The following NCBP2 variants were observed in gnomAD, a reference collection of about 807,000 sequenced individuals.
The protein encoded by NCBP2 is nuclear cap-binding protein subunit 2.
NCBP2 carries 8 observed loss-of-function variants against 21.5 expected under a neutral mutation model. That is an observed-to-expected ratio of 0.37 (90% confidence interval 0.22 to 0.67). NCBP2 has a LOEUF of 0.67. NCBP2 is among the 30% of genes least tolerant of loss of function. The pLI is 0.56. For missense variants in NCBP2, 127 were observed against 206.9 expected, an observed-to-expected ratio of 0.61 and a Z score of 2.37; for synonymous variants, 92 against 75.8, an observed-to-expected ratio of 1.21 and a Z score of -1.11.
chr3:196,937,146 C>T, intron 3 of NCBP2, 64 bp from the exon 4 acceptor site: 1 of 1,467,280 alleles, frequency 6.8e-7, no homozygotes. Context: ...ATGCCTCCCA[C>T]AAACATGTTA....
rs180792675 is a variant in NCBP2, at chr3:196,936,782, C to A, written c.*229G>T. ...TGTTGTCAAAGAACACAATTTCTGACCTGGTAACAAAATTGTTCTGATAAT... is the reference window on the plus strand; with the variant it reads ...TGTTGTCAAAGAACACAATTTCTGAACTGGTAACAAAATTGTTCTGATAAT... On this transcript the variant is annotated 3_prime_UTR_variant, in exon 4 of 4. Transcript: ENST00000321256. 4.2e-5 allele frequency: 24 copies of A among 571,252 alleles called. No homozygotes were observed. Among genetic ancestry groups the A allele is most frequent in the African/African-American group, 7.5e-5 (4 of 53,260 alleles). 35.4% of individuals were successfully genotyped at this position (571,252 alleles called of 1,614,324 possible). A position where few individuals can be genotyped will look rare whatever the true frequency, so the allele number is the denominator to read the frequency against.
At chr3:196,941,859 G>T (rs1577868060) in intron 1 of NCBP2, 2 of 1,504,486 alleles carry the variant, frequency 1.3e-6, no homozygotes, top group South Asian at 2.4e-5. Flanking sequence ...AAAGTGCCGA[G>T]CTTGGCGGGT....
chr3:196,939,081 G>T (rs1716404890), intron 2 of NCBP2, 170 bp downstream of exon 2: 2 of 527,266 alleles, frequency 3.8e-6, no homozygotes, highest in South Asian at 6.3e-5. Flanking sequence ...ATGGATTTCA[G>T]AAGAGAATAT....
chr3:196,936,759 T>C lies in NCBP2; in HGVS notation c.*252A>G. 3.6e-6 allele frequency: 2 copies of C among 555,052 alleles called. No individual in the cohort carries two copies. The highest frequency in any genetic ancestry group is 3.1e-5 in the East Asian group (1 of 32,696). The allele number at this position is 555,052 out of a possible 1,614,324, so 34.4% of individuals were successfully genotyped here. A position where few individuals can be genotyped will look rare whatever the true frequency, so the allele number is the denominator to read the frequency against. On this transcript the variant is annotated 3_prime_UTR_variant, in exon 4 of 4. Coordinates refer to ENST00000321256, the MANE Select transcript of NCBP2 (RefSeq NM_007362.5). ...TAATCAACATTACAGATCCAATCTG[T>C]TGTCAAAGAACACAATTTCTGACCT... is the stretch of plus-strand genomic sequence containing the variant.
chr3:196,942,516 C>T lies in NCBP2; in HGVS notation c.-13G>A, dbSNP rs756905190. The T allele has an allele frequency of 3.1e-6, 5 of 1,609,458 alleles. No homozygotes were observed. The highest frequency in any genetic ancestry group is 1.7e-5 in the Admixed American group (1 of 59,310). On this transcript the variant is annotated 5_prime_UTR_variant, in exon 1 of 4. Transcript: ENST00000321256. Reference sequence around the variant, plus strand: ...GGCCACCCGACATAGTGCAGAGAAGCGGACCACAATGCGGCGACTCCCGGC... The same window carrying T: ...GGCCACCCGACATAGTGCAGAGAAGTGGACCACAATGCGGCGACTCCCGGC...
rs1438306143 is a variant in NCBP2 at position 196,937,098 on chromosome 3, T to C, written c.400-16A>G. Reference sequence around the variant, plus strand: ...CATCCCGAACCTTTAATGGAAAGAATCCAGAGTTACAGTATGGAAAAGAAT... The same window carrying C: ...CATCCCGAACCTTTAATGGAAAGAACCCAGAGTTACAGTATGGAAAAGAAT... On this transcript the variant is annotated splice_polypyrimidine_tract_variant and intron_variant, in intron 3 of 3. Transcript: ENST00000321256. 1.2e-6 allele frequency: 2 copies of C among 1,613,210 alleles called. No individual in the cohort carries two copies. The highest frequency in any genetic ancestry group is 1.7e-6 in the Non-Finnish European group (2 of 1,179,248).
intron 1 of NCBP2, chr3:196,942,184 G>A (rs1463720604): frequency 2.1e-6 from 3 of 1,455,390 alleles, no homozygotes; most frequent in East Asian, 5.0e-5. Context: ...TGGGGTACAG[G>A]GAGCGGCTGC....
rs759405625 is a variant in NCBP2 at position 196,942,498 on chromosome 3, C to A, written c.6G>T (p.Ser2=). 6.2e-7 allele frequency: 1 copy of A among 1,613,092 alleles called. No individual in the cohort carries two copies. ...TGCGCAGCGCCTTCAGGAGGCCACCCGACATAGTGCAGAGAAGCGGACCAC... is the reference window on the plus strand; with the variant it reads ...TGCGCAGCGCCTTCAGGAGGCCACCAGACATAGTGCAGAGAAGCGGACCAC... M[S]GGLLKALRSD... The change falls in exon 1 of 4, where the codon TCG becomes TCT. Residue 2 remains serine, a synonymous_variant. Transcript: ENST00000321256.
intron 2 of NCBP2, 97 bp downstream of exon 2, chr3:196,939,154 G>A: frequency 4.7e-6 from 5 of 1,065,850 alleles, no homozygotes; most frequent in Non-Finnish European, 5.7e-6. Flanking sequence ...GGAGGGAGAT[G>A]AAGGAAAACG....
intron 1 of NCBP2, chr3:196,942,174 TG>T: frequency 1.4e-6 from 2 of 1,457,824 alleles, no homozygotes; most frequent in Non-Finnish European, 1.8e-6. Context: ...CGGCACTGGC[TG>T]GGGTACAGGG....
chr3:196,940,450 GA>G (rs1560170687), intron 1 of NCBP2, among the ~76,000 whole-genome samples: 2 of 152,086 alleles, frequency 1.3e-5, no homozygotes, highest in Non-Finnish European at 2.9e-5. Flanking sequence ...AGACATTAGA[GA>G]AAGTAAATTC....
intron 2 of NCBP2, chr3:196,939,006 ATT>A (rs57844817): frequency 0.38 from 121,372 of 315,882 alleles, 18,071 homozygotes; most frequent in East Asian, 0.68. Context: ...ATTCTTTGGA[ATT>A]TTTTTTTTTT....
At position 196,939,239 on chromosome 3, in the gene NCBP2, TG is replaced by T; in HGVS notation, c.260+11del. On this transcript the variant is annotated intron_variant, in intron 2 of 3. Coordinates refer to ENST00000321256, the MANE Select transcript of NCBP2 (RefSeq NM_007362.5). Reference sequence around the variant, plus strand: ...TGGTTCAGCAGCTACATTAGATCCATGGGAAGGATACTCCACAAAACAGAAT... The same window carrying T: ...TGGTTCAGCAGCTACATTAGATCCATGGAAGGATACTCCACAAAACAGAAT... 1 of 1,609,610 alleles carries T rather than the reference TG, an allele frequency of 6.2e-7. No individual in the cohort carries two copies. The highest frequency in any genetic ancestry group is 8.5e-7 in the Non-Finnish European group (1 of 1,175,934).
At position 196,937,616 on chromosome 3, in the gene NCBP2, A is replaced by G. The variant is rs1187455890; in HGVS notation, c.293T>C (p.Met98Thr). The change falls in exon 3 of 4, where the codon ATG (methionine) becomes ACG (threonine). Residue 98 changes from methionine (M) to threonine (T), a missense_variant. Coordinates refer to ENST00000321256, the MANE Select transcript of NCBP2 (RefSeq NM_007362.5). Reference protein sequence around the residue: ...YYSRADAENAMRYINGTRLDD... With the variant: ...YYSRADAENATRYINGTRLDD... The stretch of plus-strand genomic sequence containing the variant: ...CAGACGCGTCCCATTTATGTACCGC[A>G]TGGCGTTTTCCGCATCTGCGCGTGA... 9 of 1,614,224 alleles carry G rather than the reference A, an allele frequency of 5.6e-6. No individual in the cohort carries two copies. The highest frequency in any genetic ancestry group is 7.6e-6 in the Non-Finnish European group (9 of 1,180,040).
chr3:196,941,580 C>T lies in NCBP2; in HGVS notation c.78+846G>A, dbSNP rs561930448. The stretch of plus-strand genomic sequence containing the variant: ...CAGGGGATTATGAGCTCGCAGAGCG[C>T]AGAAACTGTCTTCCCTCTCCCTCTA... On this transcript the variant is annotated intron_variant, in intron 1 of 3. Coordinates refer to ENST00000321256, the MANE Select transcript of NCBP2 (RefSeq NM_007362.5). 1.9e-5 allele frequency: 7 copies of T among 368,036 alleles called. No homozygotes were observed. The Admixed American group carries it at 3.1e-4, about 16-fold the overall frequency. 22.8% of individuals were successfully genotyped at this position (368,036 alleles called of 1,614,324 possible). A position where few individuals can be genotyped will look rare whatever the true frequency, so the allele number is the denominator to read the frequency against.
intron 3 of NCBP2, 83 bp from the exon 4 acceptor site, chr3:196,937,165 G>A: frequency 7.7e-7 from 1 of 1,297,172 alleles, no homozygotes; most frequent in Non-Finnish European, 1.1e-6. Context: ...TAGACAAACA[G>A]TGAAACCTGT....
rs1716237490 is a variant in NCBP2 at position 196,935,883 on chromosome 3, G to A, written c.*1128C>T. On this transcript the variant is annotated 3_prime_UTR_variant, in exon 4 of 4. Coordinates refer to ENST00000321256, the MANE Select transcript of NCBP2 (RefSeq NM_007362.5). ...ACTCCCCTCCCTGTAGAGACCATCA[G>A]CTCACTGTGAAGGCTTGAGCCTCAG... is the stretch of plus-strand genomic sequence containing the variant. 1 of 152,020 alleles carries A rather than the reference G, an allele frequency of 6.6e-6. No homozygotes were observed. Among genetic ancestry groups the A allele is most frequent in the Non-Finnish European group, 1.5e-5 (1 of 68,030 alleles). The allele number at this position is 152,020 out of a possible 1,614,324, so 9.4% of individuals were successfully genotyped here.
At chr3:196,941,003 G>A (rs1057021391) in intron 1 of NCBP2, 3 of 152,260 alleles carry the variant, frequency 2.0e-5, no homozygotes, top group Non-Finnish European at 4.4e-5. Flanking sequence ...CTTAGGCTCA[G>A]GAGGTTGAGG....
rs1716424038 is a variant in NCBP2, at chr3:196,939,448, G to C, written c.79-16C>G. ...CATTGTCACCCTAGAATTTCAAATA[G>C]AGACAAAAGTTAAGCAACTTCAGAG... is the stretch of plus-strand genomic sequence containing the variant. On this transcript the variant is annotated splice_polypyrimidine_tract_variant and intron_variant, in intron 1 of 3. Coordinates refer to ENST00000321256, the MANE Select transcript of NCBP2 (RefSeq NM_007362.5). 6.3e-7 allele frequency: 1 copy of C among 1,575,134 alleles called. No individual in the cohort carries two copies. The highest frequency in any genetic ancestry group is 1.4e-5 in the African/African-American group (1 of 73,242).
Sources: allele counts gnomAD v4.1 joint callset (sites outside exome capture counted in the v4.1 genomes callset), GRCh38; gene constraint gnomAD v4.1.1; transcripts MANE v1.5; gene names NCBI Gene and HGNC (gene_info 2026-07-23, HGNC 2026-07-21).